Variants in ANKFN1 observed in about 807,000 individuals in gnomAD.
The protein encoded by ANKFN1 is ankyrin repeat and fibronectin type III domain containing 1, also known as ankyrin repeat and fibronectin type-III domain-containing protein 1.
In ANKFN1, 74 loss-of-function variants were observed where a neutral mutation model predicts 108.7. The observed-to-expected ratio is 0.68, with a 90% confidence interval of 0.56 to 0.83. ANKFN1 has a LOEUF of 0.83. Among genes scored for constraint, ANKFN1 ranks in the 40% least tolerant of loss-of-function variants. The probability of loss-of-function intolerance (pLI) is 0.00; values close to 1 mark genes in which losing one functional copy is unlikely to be tolerated. For missense variants in ANKFN1, 1,505 were observed against 1,382.3 expected (o/e 1.09, Z -1.41); for synonymous variants, 547 against 516.2 (o/e 1.06, Z -0.81).
intron 4 of ANKFN1, among the ~76,000 whole-genome samples, chr17:56,113,588 T>A (rs962647169): frequency 6.6e-6 from 1 of 152,184 alleles, no homozygotes. Flanking sequence ...TATCTCAACA[T>A]TCTCATCCGT....
intron 4 of ANKFN1, among the ~76,000 whole-genome samples, chr17:56,345,592 G>T (rs1285238157): frequency 6.6e-6 from 1 of 152,092 alleles, no homozygotes; most frequent in African/African-American, 2.4e-5. Context: ...ATCCTAAATG[G>T]CATGAGATGG....
chr17:56,417,161 C>T (rs560826513), intron 8 of ANKFN1, among the ~76,000 whole-genome samples: 2 of 152,100 alleles, frequency 1.3e-5, no homozygotes, highest in African/African-American at 4.8e-5. Context: ...GATAGACAAA[C>T]AGGATGATTA....
At position 56,442,850 on chromosome 17, in the gene ANKFN1, A is replaced by G; in HGVS notation, c.1016A>G (p.Gln339Arg). The G allele has an allele frequency of 1.2e-6, 2 of 1,613,746 alleles. No homozygotes were observed. Among genetic ancestry groups the G allele is most frequent in the Non-Finnish European group, 1.7e-6 (2 of 1,179,704 alleles). The change falls in exon 10 of 21, where the codon CAG (glutamine) becomes CGG (arginine). Residue 339 changes from glutamine (Q) to arginine (R), a missense_variant. By Grantham distance (43) the Gln-to-Arg change is conservative. Coordinates refer to ENST00000682825, the MANE Select transcript of ANKFN1 (RefSeq NM_001370326.1). ...CATTTCAATACTTTGCAGGGCCAAC[A>G]GTATTTTGTTCAAGTCTCGGCTTAC... is the stretch of plus-strand genomic sequence containing the variant. ...CTITGLTMGQ[Q>R]YFVQVSAYNM...
chr17:56,214,402 T>C (rs1479189089), intron 2 of ANKFN1, among the ~76,000 whole-genome samples: 2 of 152,088 alleles, frequency 1.3e-5, no homozygotes, highest in African/African-American at 2.4e-5. Flanking sequence ...TGTCAAAGAG[T>C]AGGAAAAGCA....
chr17:56,459,331 G>A (rs923224836), intron 14 of ANKFN1, among the ~76,000 whole-genome samples: 3 of 151,996 alleles, frequency 2.0e-5, no homozygotes, highest in Non-Finnish European at 2.9e-5. Flanking sequence ...GGCTGGTCTC[G>A]AACTCCTGAC....
intron 4 of ANKFN1, among the ~76,000 whole-genome samples, chr17:56,053,617 G>T (rs1056985518): frequency 3.9e-5 from 6 of 152,162 alleles, no homozygotes; most frequent in African/African-American, 1.4e-4. Context: ...AAAAACATGG[G>T]AGTGCAGATA....
At chr17:56,478,047 G>A (rs113008125) in intron 16 of ANKFN1, among the ~76,000 whole-genome samples, 4,442 of 152,144 alleles carry the variant, frequency 0.029, 174 homozygotes, top group African/African-American at 0.093. Flanking sequence ...GGCTGGTCTC[G>A]AACTGCTGAC....
chr17:56,385,984 G>T (rs1023180753), intron 8 of ANKFN1, among the ~76,000 whole-genome samples: 4 of 152,108 alleles, frequency 2.6e-5, no homozygotes, highest in Admixed American at 6.6e-5. Flanking sequence ...TATACCCAAA[G>T]GACTATAAAT....
At position 56,213,045 on chromosome 17, in the gene ANKFN1, A is replaced by C. The variant is rs147339644; in HGVS notation, c.12+366A>C. The stretch of plus-strand genomic sequence containing the variant: ...CCAGGCAGTGCACTAACTTATTAGG[A>C]TTGAGATGCTAATCCTTCACCCCCT... On this transcript the variant is annotated intron_variant, in intron 2 of 20. Transcript: ENST00000682825. Among the ~76,000 whole-genome samples the C allele has an allele frequency of 3.7e-4, 56 of 152,310 alleles. 1 individual carries two copies. The East Asian group carries it at 9.2e-3, about 25-fold the overall frequency.
chr17:56,081,751 G>T (rs1159983639), intron 4 of ANKFN1, among the ~76,000 whole-genome samples: 1 of 152,136 alleles, frequency 6.6e-6, no homozygotes, highest in East Asian at 1.9e-4. Flanking sequence ...TTGGTGGCCT[G>T]CTAGCATTTA....
At chr17:56,434,853 C>T (rs889375252) in intron 8 of ANKFN1, among the ~76,000 whole-genome samples, 1 of 151,946 alleles carries the variant, frequency 6.6e-6, no homozygotes. Flanking sequence ...TTAGATGGAT[C>T]GGGGGAAGAT....
At chr17:56,150,771 G>T (rs1233445971), upstream of ANKFN1, among the ~76,000 whole-genome samples, 2 of 152,084 alleles carry the variant, frequency 1.3e-5, no homozygotes, top group African/African-American at 2.4e-5. Flanking sequence ...CTCATTCCAT[G>T]ATGTCTCGCT....
intron 1 of ANKFN1, chr17:56,184,760 G>A (rs1321643829): frequency 6.6e-6 from 1 of 152,188 alleles, no homozygotes; most frequent in African/African-American, 2.4e-5. Context: ...TCTGCCCTGA[G>A]AGGTCGGTAC....
At chr17:56,203,700 T>C (rs1288518756) in intron 1 of ANKFN1, among the ~76,000 whole-genome samples, 1 of 152,216 alleles carries the variant, frequency 6.6e-6, no homozygotes, top group Non-Finnish European at 1.5e-5. Flanking sequence ...GTCATGTGAT[T>C]TCATTCATGT....
intron 4 of ANKFN1, among the ~76,000 whole-genome samples, chr17:56,327,935 AG>A (rs1267203214): frequency 1.3e-5 from 2 of 152,164 alleles, no homozygotes; most frequent in Non-Finnish European, 2.9e-5. Flanking sequence ...TGTGAGGATG[AG>A]GGGATACATG....
At chr17:56,304,119 C>T (rs1323585865) in intron 3 of ANKFN1, among the ~76,000 whole-genome samples, 3 of 152,084 alleles carry the variant, frequency 2.0e-5, no homozygotes, top group East Asian at 1.9e-4. Context: ...AACAAAAATC[C>T]TTTAACTTGC....
At chr17:56,072,632 G>C (rs1905133643) in intron 4 of ANKFN1, among the ~76,000 whole-genome samples, 2 of 152,152 alleles carry the variant, frequency 1.3e-5, no homozygotes, top group African/African-American at 2.4e-5. Context: ...ATGTACTCTT[G>C]TGTCTGATGT....
chr17:56,048,029 T>G (rs1451605401), intron 4 of ANKFN1, among the ~76,000 whole-genome samples: 1 of 152,244 alleles, frequency 6.6e-6, no homozygotes, highest in Non-Finnish European at 1.5e-5. Flanking sequence ...CATCTCCCAA[T>G]CTTTGTCCAT....
chr17:56,115,390 A>G (rs1268292280), intron 4 of ANKFN1, among the ~76,000 whole-genome samples: 1 of 152,220 alleles, frequency 6.6e-6, no homozygotes, highest in Non-Finnish European at 1.5e-5. Flanking sequence ...AAAACAAAAC[A>G]CACAGAAGAA....
Sources: gnomAD v4.1 joint callset for allele counts (sites outside exome capture counted in the v4.1 genomes callset) on GRCh38, gnomAD v4.1.1 for gene constraint, MANE v1.5 for transcripts, NCBI Gene and HGNC (gene_info 2026-07-23, HGNC 2026-07-21) for gene names.